The following MYO3B variants were observed in gnomAD, a reference collection of about 807,000 sequenced individuals.
MYO3B encodes myosin IIIB.
In MYO3B, 156 loss-of-function variants were observed where a neutral mutation model predicts 174.6. The ratio of observed to expected loss-of-function variants is 0.89; its 90% confidence interval spans 0.78 to 1.02. The LOEUF (loss-of-function observed/expected upper bound fraction) is 1.02. Ranked by LOEUF, MYO3B falls within the 50% of genes least tolerant of loss-of-function variation. The pLI, the probability that MYO3B is intolerant of heterozygous loss-of-function variation, is 0.00. For missense variants in MYO3B, 1,632 were observed against 1,639.4 expected (o/e 1.00, Z 0.08); for synonymous variants, 563 against 569.1 (o/e 0.99, Z 0.15).
chr2:170,214,970 TG>T, intron 5 of MYO3B, 142 bp downstream of exon 5: 1 of 632,040 alleles, frequency 1.6e-6, no homozygotes, highest in South Asian at 1.9e-5. Flanking sequence ...CTGGAGGGGG[TG>T]GGGGCTCCAG....
intron 7 of MYO3B, among the ~76,000 whole-genome samples, chr2:170,307,544 G>GTA (rs912844514): frequency 1.4e-4 from 21 of 152,178 alleles, no homozygotes; most frequent in African/African-American, 5.1e-4. Context: ...CTATTTTAGT[G>GTA]TAGATTCCCT....
In MYO3B at chr2:170,356,791, G is replaced by T. The variant is rs2094124947; in HGVS notation, c.816-12431G>T. On this transcript the variant is annotated intron_variant, in intron 8 of 34. Transcript: ENST00000408978. Reference sequence around the variant, plus strand: ...TTTTTATTTTTATCTTTAAAAAAATGTTTTAAGACAAGGTCTCACCCTGTG... The same window carrying T: ...TTTTTATTTTTATCTTTAAAAAAATTTTTTAAGACAAGGTCTCACCCTGTG... 1.8e-4 allele frequency among the ~76,000 whole-genome samples: 27 copies of T among 152,006 alleles called. No homozygotes were observed. In the South Asian group the frequency reaches 5.6e-3, roughly 31 times the overall value.
chr2:170,305,747 A>G (rs1266283790), intron 7 of MYO3B, among the ~76,000 whole-genome samples: 1 of 152,004 alleles, frequency 6.6e-6, no homozygotes. Flanking sequence ...ATAAATAATA[A>G]ATAAATTTTT....
chr2:170,275,302 T>C (rs2093456462), intron 7 of MYO3B, among the ~76,000 whole-genome samples: 1 of 152,184 alleles, frequency 6.6e-6, no homozygotes, highest in African/African-American at 2.4e-5. Flanking sequence ...TTTGAGAAAT[T>C]CTAGTTTAAG....
At chr2:170,453,363 A>G (rs1683708235) in intron 23 of MYO3B, among the ~76,000 whole-genome samples, 1 of 150,338 alleles carries the variant, frequency 6.7e-6, no homozygotes, top group African/African-American at 2.5e-5. Context: ...CTTTTTTTCT[A>G]TTAATCATAC....
intron 1 of MYO3B, among the ~76,000 whole-genome samples, chr2:170,198,840 C>G (rs1303673457): frequency 8.1e-6 from 1 of 123,738 alleles, no homozygotes; most frequent in East Asian, 2.5e-4. Context: ...AGATGTTAGA[C>G]TTAACAGTTT....
At chr2:170,257,977 A>G (rs2093317720) in intron 7 of MYO3B, among the ~76,000 whole-genome samples, 1 of 152,186 alleles carries the variant, frequency 6.6e-6, no homozygotes, top group Non-Finnish European at 1.5e-5. Context: ...GGAAATGGAT[A>G]AATTCCTGGA....
intron 32 of MYO3B, among the ~76,000 whole-genome samples, chr2:170,589,092 G>A (rs937296208): frequency 6.6e-6 from 1 of 152,030 alleles, no homozygotes; most frequent in African/African-American, 2.4e-5. Context: ...AGAGGCAAGA[G>A]AAAAGGAAAC....
At chr2:170,630,666 A>C (rs916354829) in intron 32 of MYO3B, among the ~76,000 whole-genome samples, 1 of 152,192 alleles carries the variant, frequency 6.6e-6, no homozygotes, top group Non-Finnish European at 1.5e-5. Context: ...CTGACACCTC[A>C]TACAGCTGGG....
At chr2:170,373,821 T>C (rs1313087516) in intron 9 of MYO3B, among the ~76,000 whole-genome samples, 5 of 113,340 alleles carry the variant, frequency 4.4e-5, no homozygotes, top group African/African-American at 1.8e-4. Context: ...TCATGTTGAA[T>C]GGCCTTTAAA....
At chr2:170,331,234 T>C (rs181017903) in intron 7 of MYO3B, among the ~76,000 whole-genome samples, 1 of 152,342 alleles carries the variant, frequency 6.6e-6, no homozygotes, top group Admixed American at 6.5e-5. Context: ...CATTTGTATA[T>C]ATCATGCAAA....
intron 2 of MYO3B, 110 bp downstream of exon 2, chr2:170,199,501 C>G (rs1032289831): frequency 1.2e-6 from 1 of 856,522 alleles, no homozygotes; most frequent in Non-Finnish European, 1.7e-6. Flanking sequence ...GGTATGAAAT[C>G]TCAAAATGGG....
intron 24 of MYO3B, among the ~76,000 whole-genome samples, chr2:170,464,096 A>C (rs150165793): frequency 6.6e-6 from 1 of 152,340 alleles, no homozygotes; most frequent in African/African-American, 2.4e-5. Flanking sequence ...TCACACCTAT[A>C]GTCCCAGCAT....
intron 32 of MYO3B, among the ~76,000 whole-genome samples, chr2:170,562,377 T>A (rs1297934528): frequency 6.6e-6 from 1 of 152,216 alleles, no homozygotes; most frequent in Non-Finnish European, 1.5e-5. Context: ...ATATTTTGTT[T>A]TGGAGTTTTT....
intron 7 of MYO3B, 113 bp downstream of exon 7, chr2:170,236,249 G>T: frequency 8.0e-5 from 94 of 1,178,978 alleles, no homozygotes; most frequent in East Asian, 8.6e-5. Context: ...AAGCCTGATT[G>T]TGAAATATAT....
chr2:170,403,788 C>A (rs1006992600), intron 19 of MYO3B, among the ~76,000 whole-genome samples: 5 of 152,208 alleles, frequency 3.3e-5, no homozygotes, highest in Non-Finnish European at 5.9e-5. Flanking sequence ...GTATAGCACT[C>A]CTCTCCCATC....
At chr2:170,556,815 C>T (rs1207200373) in intron 32 of MYO3B, among the ~76,000 whole-genome samples, 2 of 152,240 alleles carry the variant, frequency 1.3e-5, no homozygotes, top group African/African-American at 4.8e-5. Flanking sequence ...AGCCACTGCA[C>T]CTGGCCAGAT....
chr2:170,644,004 T>A (rs887615150), intron 32 of MYO3B: 2 of 152,176 alleles, frequency 1.3e-5, no homozygotes, highest in African/African-American at 2.4e-5. Flanking sequence ...GGAGGGGGCA[T>A]GTGTAGCCAA....
At chr2:170,321,290 G>A (rs893769279) in intron 7 of MYO3B, among the ~76,000 whole-genome samples, 1 of 152,016 alleles carries the variant, frequency 6.6e-6, no homozygotes, top group East Asian at 1.9e-4. Context: ...CATAAGAAAG[G>A]ATTTAATAAA....
Sources: allele counts gnomAD v4.1 joint callset (sites outside exome capture counted in the v4.1 genomes callset), GRCh38; gene constraint gnomAD v4.1.1; transcripts MANE v1.5; gene names NCBI Gene and HGNC (gene_info 2026-07-23, HGNC 2026-07-21).